PTPRQ: variants seen among roughly 807,000 people sequenced by gnomAD.
The protein encoded by PTPRQ is phosphatidylinositol phosphatase PTPRQ.
Under a neutral mutation model 246.0 loss-of-function variants are expected in PTPRQ, and 199 were observed. That is an observed-to-expected ratio of 0.81 (90% CI 0.72 to 0.91). PTPRQ has a LOEUF of 0.91. Among genes scored for constraint, PTPRQ ranks in the 40% least tolerant of loss-of-function variants. PTPRQ has a pLI of 0.00. For synonymous variants in PTPRQ, 869 were observed against 853.2 expected, an observed-to-expected ratio of 1.02 and a Z score of -0.32; for missense variants, 2,624 against 2,528.4, an observed-to-expected ratio of 1.04 and a Z score of -0.81.
At position 80,616,226 on chromosome 12, in the gene PTPRQ, A is replaced by C; in HGVS notation, c.5190A>C (p.Ala1730=). ...ISVYAVNSAG[A]GPKVPMRITM... ...TTTACGCAGTCAATAGTGCTGGTGC[A>C]GGTCCAAAGGTTCCGATGAGAATAA... Residue 1730 remains alanine, a synonymous_variant, in exon 30 of 45, where the codon GCA becomes GCC. Transcript: ENST00000644991. 2 of 1,491,352 alleles carry C rather than the reference A, an allele frequency of 1.3e-6. No individual in the cohort carries two copies. Among genetic ancestry groups the C allele is most frequent in the South Asian group, 1.4e-5 (1 of 74,064 alleles). The allele number at this position is 1,491,352 out of a possible 1,614,324, so 92.4% of individuals were successfully genotyped here.
intron 6 of PTPRQ, among the ~76,000 whole-genome samples, chr12:80,466,562 CA>C (rs1893423923): frequency 6.6e-6 from 1 of 151,922 alleles, no homozygotes. Flanking sequence ...AATCCTAAGC[CA>C]AAAGAACAAA....
intron 8 of PTPRQ, among the ~76,000 whole-genome samples, chr12:80,477,633 C>G (rs1795383788): frequency 6.6e-6 from 1 of 152,108 alleles, no homozygotes; most frequent in South Asian, 2.1e-4. Context: ...GTTCATCTCA[C>G]TAGGGCCAGA....
chr12:80,544,520 G>C (rs1803156058), intron 23 of PTPRQ, among the ~76,000 whole-genome samples: 2 of 152,016 alleles, frequency 1.3e-5, no homozygotes, highest in Non-Finnish European at 2.9e-5. Flanking sequence ...ACATCATTTG[G>C]GATGGGCAGT....
At chr12:80,579,135 A>G (rs888356573) in intron 25 of PTPRQ, among the ~76,000 whole-genome samples, 2 of 152,150 alleles carry the variant, frequency 1.3e-5, no homozygotes, top group Non-Finnish European at 2.9e-5. Flanking sequence ...TTATATGTAA[A>G]ATATCGAACA....
chr12:80,502,671 G>A (rs1565749580), intron 14 of PTPRQ, among the ~76,000 whole-genome samples: 1 of 151,906 alleles, frequency 6.6e-6, no homozygotes, highest in Non-Finnish European at 1.5e-5. Context: ...GTGATGCACA[G>A]TGAAGATTTG....
chr12:80,468,637 A>G (rs1423917612), intron 6 of PTPRQ, 73 bp from the exon 7 acceptor site: 2 of 1,320,294 alleles, frequency 1.5e-6, no homozygotes, highest in Non-Finnish European at 2.0e-6. Flanking sequence ...TTTGTGTTTT[A>G]TTATGTGTAT....
At chr12:80,467,223 A>G (rs1171979429) in intron 6 of PTPRQ, among the ~76,000 whole-genome samples, 4 of 152,204 alleles carry the variant, frequency 2.6e-5, no homozygotes, top group Admixed American at 2.6e-4. Context: ...TCTCAAAAGA[A>G]GACATTTATG....
chr12:80,572,876 T>C (rs544501048), intron 25 of PTPRQ, among the ~76,000 whole-genome samples: 34 of 152,350 alleles, frequency 2.2e-4, no homozygotes, highest in Admixed American at 7.8e-4. Flanking sequence ...TGTGTTATTC[T>C]ACTATATATT....
intron 4 of PTPRQ, among the ~76,000 whole-genome samples, chr12:80,459,027 T>C (rs1254963373): frequency 6.6e-6 from 1 of 152,154 alleles, no homozygotes; most frequent in Non-Finnish European, 1.5e-5. Context: ...CAACTATTGA[T>C]TGAATTTTTT....
chr12:80,506,137 T>C lies in PTPRQ; in HGVS notation c.2386T>C (p.Tyr796His). 4.6e-6 allele frequency: 7 copies of C among 1,538,448 alleles called. No homozygotes were observed. Among genetic ancestry groups the C allele is most frequent in the Non-Finnish European group, 6.1e-6 (7 of 1,142,176 alleles). The change falls in exon 15 of 45, where the codon TAT becomes CAT. Residue 796 changes from tyrosine to histidine, a missense_variant. Physicochemically the swap from Tyr to His is moderately conservative, Grantham distance 83. Coordinates refer to ENST00000644991, the MANE Select transcript of PTPRQ (RefSeq NM_001145026.2). ...PNGIIQKYTIYLKRSNGNEER... is the reference protein window; with the variant it reads ...PNGIIQKYTIHLKRSNGNEER... Reference sequence around the variant, plus strand: ...TGGAATCATACAAAAATATACAATTTATCTCAAGAGAAGTAATGGAAATGA... The same window carrying C: ...TGGAATCATACAAAAATATACAATTCATCTCAAGAGAAGTAATGGAAATGA...
chr12:80,636,094 C>T lies in PTPRQ; in HGVS notation c.5915+1021C>T, dbSNP rs551331498. Among the ~76,000 whole-genome samples the T allele has an allele frequency of 2.6e-5, 4 of 152,218 alleles. No homozygotes were observed. In the East Asian group the frequency reaches 7.7e-4, roughly 29 times the overall value. Reference sequence around the variant, plus strand: ...ATAAGCAAAGTCCTTCCAAATGCTACAAAATGAAGGTTATTCAATGTTATC... The same window carrying T: ...ATAAGCAAAGTCCTTCCAAATGCTATAAAATGAAGGTTATTCAATGTTATC... On this transcript the variant is annotated intron_variant, in intron 35 of 44. Transcript: ENST00000644991.
chr12:80,619,260 T>A, intron 30 of PTPRQ, 124 bp from the exon 31 acceptor site: 2 of 1,144,818 alleles, frequency 1.7e-6, no homozygotes, highest in Admixed American at 2.7e-5. Flanking sequence ...CAATTCTCTA[T>A]AATTTGTTAT....
chr12:80,451,362 T>C (rs1331683198), intron 3 of PTPRQ, among the ~76,000 whole-genome samples: 2 of 108,336 alleles, frequency 1.8e-5, no homozygotes, highest in Non-Finnish European at 3.7e-5. Flanking sequence ...GAAGGGTTTT[T>C]TGTGTCTCTA....
chr12:80,541,310 C>G (rs1896144573), intron 20 of PTPRQ, among the ~76,000 whole-genome samples: 1 of 151,822 alleles, frequency 6.6e-6, no homozygotes, highest in Non-Finnish European at 1.5e-5. Context: ...AAAGAAGAGT[C>G]AAGAGAATAT....
intron 19 of PTPRQ, 133 bp downstream of exon 19, chr12:80,535,170 A>G: frequency 1.1e-6 from 1 of 872,016 alleles, no homozygotes; most frequent in Non-Finnish European, 1.6e-6. Flanking sequence ...TAAAACTCCC[A>G]TTGACATAGA....
chr12:80,679,247 CT>C lies in PTPRQ; in HGVS notation c.*226del. ...GAATAAATATTATGCATTTTAAATG[CT>C]TAAGAAAAGACATCCCATATGTTTT... On this transcript the variant is annotated 3_prime_UTR_variant, in exon 45 of 45. Coordinates refer to ENST00000644991, the MANE Select transcript of PTPRQ (RefSeq NM_001145026.2). 1 of 424,472 alleles carries C rather than the reference CT, an allele frequency of 2.4e-6. No homozygotes were observed. The highest frequency in any genetic ancestry group is 3.8e-6 in the Non-Finnish European group (1 of 261,706). The allele number at this position is 424,472 out of a possible 1,614,324, so 26.3% of individuals were successfully genotyped here.
chr12:80,472,174 A>G lies in PTPRQ; in HGVS notation c.1109A>G (p.Tyr370Cys). 6.4e-7 allele frequency: 1 copy of G among 1,551,662 alleles called. No individual in the cohort carries two copies. The highest frequency in any genetic ancestry group is 8.7e-7 in the Non-Finnish European group (1 of 1,146,978). ...AFTNLTPFTM[Y>C]DVYIAAETSA... The stretch of plus-strand genomic sequence containing the variant: ...ACTAACCTAACACCATTTACAATGT[A>G]TGATGTCTATATTGCGGCTGAAACC... The change falls in exon 8 of 45, where the codon TAT becomes TGT. Residue 370 changes from tyrosine (Y) to cysteine (C), a missense_variant. Physicochemically the swap from Tyr to Cys is radical, Grantham distance 194. Transcript: ENST00000644991.
intron 25 of PTPRQ, among the ~76,000 whole-genome samples, chr12:80,585,288 T>C (rs1315505732): frequency 6.6e-6 from 1 of 152,126 alleles, no homozygotes; most frequent in Non-Finnish European, 1.5e-5. Flanking sequence ...TTTTTATTCC[T>C]CTCTTTCTCT....
At chr12:80,449,885 T>G (rs972769608) in intron 3 of PTPRQ, among the ~76,000 whole-genome samples, 1 of 152,132 alleles carries the variant, frequency 6.6e-6, no homozygotes, top group African/African-American at 2.4e-5. Context: ...ATATGAACTT[T>G]AAAGTAGTTT....
Sources: allele counts gnomAD v4.1 joint callset (sites outside exome capture counted in the v4.1 genomes callset), GRCh38; gene constraint gnomAD v4.1.1; transcripts MANE v1.5; gene names NCBI Gene and HGNC (gene_info 2026-07-23, HGNC 2026-07-21).